FBXL17: variants seen among roughly 807,000 people sequenced by gnomAD.
FBXL17 encodes the protein F-box/LRR-repeat protein 17.
In FBXL17, 22 loss-of-function variants were observed where a neutral mutation model predicts 66.2. The ratio of observed to expected loss-of-function variants is 0.33; its 90% confidence interval spans 0.24 to 0.47. The LOEUF is 0.47. Ranked by LOEUF, FBXL17 falls within the 20% of genes least tolerant of loss-of-function variation. FBXL17 has a pLI of 1.00. For missense variants in FBXL17, 878 were observed against 948.2 expected (o/e 0.93, Z 0.97); for synonymous variants, 474 against 400.5 (o/e 1.18, Z -2.19).
chr5:108,347,004 T>G (rs1229701759), intron 4 of FBXL17, among the ~76,000 whole-genome samples: 1 of 152,192 alleles, frequency 6.6e-6, no homozygotes, highest in African/African-American at 2.4e-5. Context: ...AAAGCAAGTC[T>G]TCTTTGTAGT....
chr5:108,062,365 ACTAT>A (rs1450546947), intron 6 of FBXL17, among the ~76,000 whole-genome samples: 1 of 152,154 alleles, frequency 6.6e-6, no homozygotes, highest in Non-Finnish European at 1.5e-5. Flanking sequence ...GGATACGAGG[ACTAT>A]CTAACATGAG....
intron 3 of FBXL17, among the ~76,000 whole-genome samples, chr5:108,357,537 C>G (rs1748079448): frequency 6.6e-6 from 1 of 152,048 alleles, no homozygotes; most frequent in South Asian, 2.1e-4. Flanking sequence ...ACACATTCTT[C>G]TCTAACGCAC....
intron 7 of FBXL17, among the ~76,000 whole-genome samples, chr5:107,887,067 A>C (rs1748996781): frequency 6.6e-6 from 1 of 152,222 alleles, no homozygotes; most frequent in African/African-American, 2.4e-5. Flanking sequence ...AGTTCACTTA[A>C]TTTAATTGTT....
Position 108,081,592 on chromosome 5 carries a change from A to G in FBXL17, c.1746-60591T>C, listed in dbSNP as rs543306174. On this transcript the variant is annotated intron_variant, in intron 6 of 8. Transcript: ENST00000542267. ...AAAAAAAGTAGCCGGCCGTGGTGGC[A>G]GGCGTCTGTAGTCCCAGCTACTCGG... Among the ~76,000 whole-genome samples the G allele has an allele frequency of 3.2e-4, 49 of 152,158 alleles. No homozygotes were observed. The South Asian group carries it at 8.1e-3, about 25-fold the overall frequency.
intron 6 of FBXL17, among the ~76,000 whole-genome samples, chr5:108,141,437 T>C (rs898716293): frequency 9.2e-5 from 14 of 152,222 alleles, no homozygotes; most frequent in African/African-American, 3.1e-4. Flanking sequence ...CCTGCTGTTC[T>C]CTGAGCAGGG....
chr5:107,998,735 T>C (rs560387628), intron 7 of FBXL17, among the ~76,000 whole-genome samples: 4 of 152,288 alleles, frequency 2.6e-5, no homozygotes, highest in African/African-American at 4.8e-5. Flanking sequence ...ATCTTCCTTA[T>C]TGTTGATTTC....
chr5:108,312,955 C>T (rs1427111329), intron 4 of FBXL17, among the ~76,000 whole-genome samples: 4 of 151,978 alleles, frequency 2.6e-5, no homozygotes, highest in African/African-American at 9.7e-5. Flanking sequence ...TGAATTTAAT[C>T]AATTACAAAT....
At chr5:107,958,598 G>GCTC (rs969187718) in intron 7 of FBXL17, among the ~76,000 whole-genome samples, 1 of 152,126 alleles carries the variant, frequency 6.6e-6, no homozygotes, top group Non-Finnish European at 1.5e-5. Context: ...GCTCTTATGT[G>GCTC]CTCCTCTGTC....
chr5:108,288,398 G>A (rs1233871205), intron 4 of FBXL17, among the ~76,000 whole-genome samples: 1 of 151,574 alleles, frequency 6.6e-6, no homozygotes, highest in Non-Finnish European at 1.5e-5. Flanking sequence ...AGACTGGCCC[G>A]ATGTAAGGTT....
rs557744405 is a variant in FBXL17, at chr5:108,339,122, T to C, written c.1506+9277A>G. 3.3e-5 allele frequency among the ~76,000 whole-genome samples: 5 copies of C among 152,304 alleles called. 2 individuals carry two copies. Among genetic ancestry groups the C allele is most frequent in the African/African-American group, 1.2e-4 (5 of 41,562 alleles). ...TAAACTATATTTAGAAAGGCAAATCTTTATTTAAAAAAGAAAGAAAGAAAA... is the reference window on the plus strand; with the variant it reads ...TAAACTATATTTAGAAAGGCAAATCCTTATTTAAAAAAGAAAGAAAGAAAA... On this transcript the variant is annotated intron_variant, in intron 4 of 8. Coordinates refer to ENST00000542267, the MANE Select transcript of FBXL17 (RefSeq NM_001163315.3).
intron 6 of FBXL17, among the ~76,000 whole-genome samples, chr5:108,074,226 A>G (rs1748455904): frequency 6.6e-6 from 1 of 152,026 alleles, no homozygotes. Context: ...TTAACTTCAG[A>G]GAATATCTTT....
intron 4 of FBXL17, among the ~76,000 whole-genome samples, chr5:108,248,851 A>T (rs1756225583): frequency 6.6e-6 from 1 of 152,160 alleles, no homozygotes; most frequent in South Asian, 2.1e-4. Context: ...CCAGAAAAAA[A>T]ATATCCTTCA....
chr5:107,891,666 G>T (rs1337396211), intron 7 of FBXL17, among the ~76,000 whole-genome samples: 3 of 152,044 alleles, frequency 2.0e-5, no homozygotes, highest in Non-Finnish European at 2.9e-5. Context: ...AAATTTTCTT[G>T]GCTCTTAGAT....
intron 7 of FBXL17, among the ~76,000 whole-genome samples, chr5:107,912,625 G>A (rs1445084159): frequency 6.6e-6 from 1 of 152,048 alleles, no homozygotes; most frequent in Non-Finnish European, 1.5e-5. Context: ...TTTTGGATGG[G>A]TACATACATA....
At chr5:108,309,947 CA>C (rs1364448536) in intron 4 of FBXL17, among the ~76,000 whole-genome samples, 5 of 152,192 alleles carry the variant, frequency 3.3e-5, no homozygotes, top group Admixed American at 2.0e-4. Context: ...CAAATAAAAA[CA>C]ATTCTGTTTA....
At chr5:107,994,870 T>A (rs10056741) in intron 7 of FBXL17, among the ~76,000 whole-genome samples, 1 of 151,686 alleles carries the variant, frequency 6.6e-6, no homozygotes, top group Non-Finnish European at 1.5e-5. Context: ...AAAACACCTA[T>A]ACAGATATTT....
intron 7 of FBXL17, among the ~76,000 whole-genome samples, chr5:107,993,190 C>T (rs552417744): frequency 9.2e-5 from 14 of 152,200 alleles, no homozygotes; most frequent in South Asian, 4.1e-4. Context: ...CCACCGCACC[C>T]GGCCTGTTTT....
chr5:108,212,223 G>T (rs553539811), intron 5 of FBXL17, among the ~76,000 whole-genome samples: 70 of 152,128 alleles, frequency 4.6e-4, no homozygotes, highest in Middle Eastern at 3.4e-3. Context: ...TCCAGTTAGC[G>T]ATTCGTCTAA....
chr5:108,267,982 A>T (rs1290674417), intron 4 of FBXL17, among the ~76,000 whole-genome samples: 1 of 152,138 alleles, frequency 6.6e-6, no homozygotes, highest in African/African-American at 2.4e-5. Flanking sequence ...AAAATGCAAA[A>T]GGTAATTTCC....
Sources: allele counts gnomAD v4.1 joint callset (sites outside exome capture counted in the v4.1 genomes callset), GRCh38; gene constraint gnomAD v4.1.1; transcripts MANE v1.5; gene names NCBI Gene and HGNC (gene_info 2026-07-23, HGNC 2026-07-21).